The following KCNH5 variants were observed in gnomAD, a reference collection of about 807,000 sequenced individuals.
KCNH5 encodes potassium voltage-gated channel subfamily H member 5.
In KCNH5, 46 loss-of-function variants were observed where a neutral mutation model predicts 96.1. The observed-to-expected ratio is 0.48, with a 90% confidence interval of 0.38 to 0.61. KCNH5 has a LOEUF of 0.61. Ranked by LOEUF, KCNH5 falls within the 20% of genes least tolerant of loss-of-function variation. The probability of loss-of-function intolerance (pLI) is 0.00; values close to 1 mark genes in which losing one functional copy is unlikely to be tolerated. For synonymous variants in KCNH5, 439 were observed against 449.8 expected, an observed-to-expected ratio of 0.98 and a Z score of 0.30; for missense variants, 907 against 1,225.8, an observed-to-expected ratio of 0.74 and a Z score of 3.88.
chr14:62,821,470 G>A (rs140359419), intron 8 of KCNH5, among the ~76,000 whole-genome samples: 1 of 152,148 alleles, frequency 6.6e-6, no homozygotes, highest in East Asian at 1.9e-4. Context: ...TTTAAGAAAT[G>A]CCTTTAAAGC....
At chr14:62,947,266 T>C (rs143566095) in intron 7 of KCNH5, among the ~76,000 whole-genome samples, 61 of 152,326 alleles carry the variant, frequency 4.0e-4, no homozygotes, top group Middle Eastern at 3.4e-3. Context: ...TGGTGCTAAA[T>C]ACAGCCTCTG....
intron 1 of KCNH5, among the ~76,000 whole-genome samples, chr14:63,023,228 G>C (rs1357109860): frequency 6.6e-6 from 1 of 151,536 alleles, no homozygotes; most frequent in Non-Finnish European, 1.5e-5. Context: ...AAAAATTAAT[G>C]TTTATCTGCC....
intron 1 of KCNH5, among the ~76,000 whole-genome samples, chr14:63,023,068 T>G (rs925342149): frequency 2.0e-5 from 3 of 151,964 alleles, no homozygotes; most frequent in African/African-American, 4.8e-5. Flanking sequence ...CCGGGCATAA[T>G]GATGCACACC....
chr14:62,731,690 C>T lies in KCNH5; in HGVS notation c.2020-23235G>A, dbSNP rs148961894. Among the ~76,000 whole-genome samples, 15 of 152,270 alleles carry T rather than the reference C, an allele frequency of 9.9e-5. No homozygotes were observed. In the East Asian group the frequency reaches 1.9e-3, roughly 20 times the overall value. ...TTATGAAATAGTTCTAAGAATGCCA[C>T]CATTGCCACAGGTTTAGATGCGTTG... On this transcript the variant is annotated intron_variant, in intron 10 of 10. Transcript: ENST00000322893.
intron 10 of KCNH5, among the ~76,000 whole-genome samples, chr14:62,763,469 C>G (rs948865393): frequency 3.3e-5 from 5 of 152,014 alleles, no homozygotes; most frequent in Non-Finnish European, 2.9e-5. Context: ...AATATCACAC[C>G]TAGAGGAACT....
chr14:62,728,967 T>C (rs1323981961), intron 10 of KCNH5, among the ~76,000 whole-genome samples: 1 of 152,254 alleles, frequency 6.6e-6, no homozygotes, highest in Non-Finnish European at 1.5e-5. Context: ...TCAAGTGTTC[T>C]CGAGACTAAG....
intron 7 of KCNH5, among the ~76,000 whole-genome samples, chr14:62,886,121 GACACACACACACACAC>G (rs58900799): frequency 6.8e-6 from 1 of 147,906 alleles, no homozygotes; most frequent in South Asian, 2.2e-4. Flanking sequence ...ACCTGCAGAG[GACACACACACACACAC>G]ACACACACAC....
At chr14:62,954,034 C>T (rs1890054681) in intron 6 of KCNH5, among the ~76,000 whole-genome samples, 1 of 152,214 alleles carries the variant, frequency 6.6e-6, no homozygotes, top group Non-Finnish European at 1.5e-5. Flanking sequence ...TGCTCAGCAT[C>T]TCTCCTGCCA....
intron 8 of KCNH5, among the ~76,000 whole-genome samples, chr14:62,829,178 T>C (rs1453888525): frequency 1.3e-5 from 2 of 152,140 alleles, no homozygotes; most frequent in Non-Finnish European, 2.9e-5. Flanking sequence ...ACAGCCCCCA[T>C]AGCTGCTTTC....
At chr14:62,975,902 T>C (rs1303220418) in intron 6 of KCNH5, among the ~76,000 whole-genome samples, 1 of 152,056 alleles carries the variant, frequency 6.6e-6, no homozygotes, top group Non-Finnish European at 1.5e-5. Flanking sequence ...ACACTACTCA[T>C]AAAATATATA....
At chr14:62,982,125 T>C (rs1890620285) in intron 5 of KCNH5, among the ~76,000 whole-genome samples, 1 of 152,222 alleles carries the variant, frequency 6.6e-6, no homozygotes, top group Admixed American at 6.5e-5. Flanking sequence ...GGTCAGGAGA[T>C]CGAGACCATC....
intron 10 of KCNH5, among the ~76,000 whole-genome samples, chr14:62,755,459 C>T (rs1885601732): frequency 6.6e-6 from 1 of 152,106 alleles, no homozygotes; most frequent in South Asian, 2.1e-4. Flanking sequence ...CAGCAAAAAA[C>T]AGCTGGGACA....
chr14:62,878,381 A>G (rs1214500688), intron 7 of KCNH5, among the ~76,000 whole-genome samples: 1 of 152,018 alleles, frequency 6.6e-6, no homozygotes, highest in Non-Finnish European at 1.5e-5. Context: ...AAAAGAAACC[A>G]TAGGAGAAAG....
chr14:62,927,209 C>T (rs1889492986), intron 7 of KCNH5, among the ~76,000 whole-genome samples: 1 of 152,106 alleles, frequency 6.6e-6, no homozygotes, highest in African/African-American at 2.4e-5. Flanking sequence ...TACCTCACAC[C>T]ATTAAGATGG....
intron 10 of KCNH5, among the ~76,000 whole-genome samples, chr14:62,749,897 C>G (rs140993898): frequency 6.6e-6 from 1 of 152,244 alleles, no homozygotes; most frequent in South Asian, 2.1e-4. Context: ...GGGTAATTGT[C>G]GCTGTGAAAG....
chr14:62,983,292 T>G (rs180713987), intron 5 of KCNH5, among the ~76,000 whole-genome samples: 73 of 151,780 alleles, frequency 4.8e-4, no homozygotes, highest in African/African-American at 1.6e-3. Context: ...GAGAATCACT[T>G]GAACCTGGGA....
chr14:62,810,175 C>A (rs893662883), intron 8 of KCNH5, among the ~76,000 whole-genome samples: 7 of 152,138 alleles, frequency 4.6e-5, no homozygotes, highest in African/African-American at 1.7e-4. Context: ...GATATCACCT[C>A]TTGTCGAAAC....
At chr14:62,889,664 G>C (rs1004279948) in intron 7 of KCNH5, among the ~76,000 whole-genome samples, 9 of 152,154 alleles carry the variant, frequency 5.9e-5, no homozygotes, top group Non-Finnish European at 1.0e-4. Flanking sequence ...TCCAGACTCT[G>C]ACATTCAGAC....
intron 7 of KCNH5, among the ~76,000 whole-genome samples, chr14:62,885,493 T>C (rs2140080359): frequency 6.6e-6 from 1 of 152,360 alleles, no homozygotes; most frequent in East Asian, 1.9e-4. Context: ...TAATGGAGAA[T>C]TCTCCTACAT....
Sources: allele counts gnomAD v4.1 joint callset (sites outside exome capture counted in the v4.1 genomes callset), GRCh38; gene constraint gnomAD v4.1.1; transcripts MANE v1.5; gene names NCBI Gene and HGNC (gene_info 2026-07-23, HGNC 2026-07-21).